Variants in FAM168A observed in about 807,000 individuals in gnomAD.
FAM168A encodes the protein protein FAM168A.
In FAM168A, 3 loss-of-function variants were observed where a neutral mutation model predicts 28.5. The observed-to-expected ratio is 0.11, with a 90% CI of 0.05 to 0.27. The LOEUF (loss-of-function observed/expected upper bound fraction) is 0.27. Among genes scored for constraint, FAM168A ranks in the 10% least tolerant of loss-of-function variants. FAM168A has a pLI of 1.00. For missense variants in FAM168A, 222 were observed against 311.5 expected (o/e 0.71, Z 2.16); for synonymous variants, 122 against 124.2 (o/e 0.98, Z 0.12).
At chr11:73,434,313 A>G (rs1867050839) in intron 2 of FAM168A, among the ~76,000 whole-genome samples, 1 of 152,236 alleles carries the variant, frequency 6.6e-6, no homozygotes, top group Non-Finnish European at 1.5e-5. Flanking sequence ...AATATTAAAC[A>G]TAAAGTCTTC....
At position 73,441,694 on chromosome 11, in the gene FAM168A, T is replaced by C. The variant is rs1423439296; in HGVS notation, c.71-10924A>G. ...TTTTTTGATTACTAATTCTCTCTTA[T>C]AGGTCTAGTCAGATTTTCTATTTCT... On this transcript the variant is annotated intron_variant, in intron 2 of 7. Transcript: ENST00000356467. 4.6e-5 allele frequency among the ~76,000 whole-genome samples: 7 copies of C among 152,246 alleles called. No homozygotes were observed. The East Asian group carries it at 1.3e-3, about 29-fold the overall frequency.
chr11:73,573,777 G>A (rs1944138032), intron 1 of FAM168A, among the ~76,000 whole-genome samples: 1 of 152,120 alleles, frequency 6.6e-6, no homozygotes, highest in African/African-American at 2.4e-5. Context: ...GGGCAACATA[G>A]AGACCCTGTC....
intron 4 of FAM168A, among the ~76,000 whole-genome samples, chr11:73,416,444 G>C (rs765053510): frequency 3.3e-4 from 51 of 152,244 alleles, no homozygotes; most frequent in Non-Finnish European, 6.3e-4. Flanking sequence ...ATCTTGCTTT[G>C]ACCCCTAAGA....
At chr11:73,486,710 T>C (rs377602303) in intron 1 of FAM168A, among the ~76,000 whole-genome samples, 1 of 152,174 alleles carries the variant, frequency 6.6e-6, no homozygotes, top group East Asian at 1.9e-4. Flanking sequence ...TATTTCCAAA[T>C]AGATCATTTA....
Position 73,409,593 on chromosome 11 carries a change from C to T in FAM168A, c.489G>A (p.Gln163=). 6.2e-7 allele frequency: 1 copy of T among 1,613,992 alleles called. No individual in the cohort carries two copies. Reference sequence around the variant, plus strand: ...AGATAGCAGAGGGAATGCTGTTGGGCTGGACGACCGTGGTATGGTGGATGA... The same window carrying T: ...AGATAGCAGAGGGAATGCTGTTGGGTTGGACGACCGTGGTATGGTGGATGA... ...PHVIHHTTVV[Q]PNSIPSAIYP... The change falls in exon 6 of 8, where the codon CAG becomes CAA. Residue 163 remains glutamine, a synonymous_variant. Transcript: ENST00000356467.
chr11:73,460,558 T>C (rs1035657992), intron 2 of FAM168A, among the ~76,000 whole-genome samples: 1 of 147,998 alleles, frequency 6.8e-6, no homozygotes, highest in Non-Finnish European at 1.5e-5. Context: ...GGCTGGAGTA[T>C]AGTGGCACAA....
chr11:73,465,587 T>TA (rs1565257872), intron 2 of FAM168A, among the ~76,000 whole-genome samples: 1 of 152,220 alleles, frequency 6.6e-6, no homozygotes, highest in Admixed American at 6.5e-5. Context: ...ATGGTCATGC[T>TA]GTGTTGTTAC....
At position 73,466,481 on chromosome 11, in the gene FAM168A, A is replaced by G. The variant is rs1022974153; in HGVS notation, c.70+1924T>C. 1.4e-4 allele frequency among the ~76,000 whole-genome samples: 21 copies of G among 152,184 alleles called. 1 individual carries two copies. Among genetic ancestry groups the G allele is most frequent in the African/African-American group, 4.8e-4 (20 of 41,452 alleles). ...TTTTTTTATCTATAAAAACTATAGC[A>G]TTTATGATTAATGAAATTATAATTA... On this transcript the variant is annotated intron_variant, in intron 2 of 7. Coordinates refer to ENST00000356467, the MANE Select transcript of FAM168A (RefSeq NM_015159.3).
chr11:73,459,527 G>C (rs1867605288), intron 2 of FAM168A, among the ~76,000 whole-genome samples: 1 of 151,634 alleles, frequency 6.6e-6, no homozygotes, highest in Non-Finnish European at 1.5e-5. Context: ...AAAAAGAAAT[G>C]AGGTCACACT....
At chr11:73,495,610 A>G (rs1854858714) in intron 1 of FAM168A, among the ~76,000 whole-genome samples, 1 of 152,238 alleles carries the variant, frequency 6.6e-6, no homozygotes, top group East Asian at 1.9e-4. Flanking sequence ...AAAAATGGAT[A>G]AAGAACTTGA....
rs1590749418 is a variant in FAM168A at position 73,406,169 on chromosome 11, T to C, written c.*594A>G. 1 of 137,850 alleles carries C rather than the reference T, an allele frequency of 7.3e-6. No individual in the cohort carries two copies. The highest frequency in any genetic ancestry group is 1.5e-5 in the Non-Finnish European group (1 of 65,254). 8.5% of individuals were successfully genotyped at this position (137,850 alleles called of 1,614,324 possible). On this transcript the variant is annotated 3_prime_UTR_variant, in exon 8 of 8. Coordinates refer to ENST00000356467, the MANE Select transcript of FAM168A (RefSeq NM_015159.3). ...TTTTCCCCAGGTTCTCAGCCTGGGG[T>C]ATTAAGCTGCTAATAACACGCCTAC...
chr11:73,561,916 C>T (rs1943963431), intron 1 of FAM168A, among the ~76,000 whole-genome samples: 1 of 151,986 alleles, frequency 6.6e-6, no homozygotes, highest in African/African-American at 2.4e-5. Flanking sequence ...AATCTTAGGA[C>T]TGTGGTTTAA....
chr11:73,559,646 G>A (rs768763381), intron 1 of FAM168A, among the ~76,000 whole-genome samples: 3 of 152,288 alleles, frequency 2.0e-5, no homozygotes, highest in Middle Eastern at 3.4e-3. Flanking sequence ...ATAGGAATGG[G>A]AATGACTGTT....
chr11:73,505,116 A>AT (rs371039461), intron 1 of FAM168A, among the ~76,000 whole-genome samples: 40 of 148,548 alleles, frequency 2.7e-4, no homozygotes, highest in East Asian at 9.7e-4. Flanking sequence ...CATGTATCCC[A>AT]TTTTTTTTTT....
At chr11:73,512,515 G>C (rs1855244759) in intron 1 of FAM168A, among the ~76,000 whole-genome samples, 2 of 151,856 alleles carry the variant, frequency 1.3e-5, no homozygotes, top group Admixed American at 6.6e-5. Context: ...GACTATACTA[G>C]AAACCTCTGA....
chr11:73,413,628 G>A (rs189820571), intron 4 of FAM168A, among the ~76,000 whole-genome samples: 2 of 152,306 alleles, frequency 1.3e-5, no homozygotes, highest in Non-Finnish European at 2.9e-5. Flanking sequence ...CCCAAATGTG[G>A]ACAACGTACT....
intron 2 of FAM168A, among the ~76,000 whole-genome samples, chr11:73,465,879 G>A (rs948889540): frequency 1.3e-5 from 2 of 152,096 alleles, no homozygotes; most frequent in Non-Finnish European, 2.9e-5. Flanking sequence ...ATAGATTGCT[G>A]CAAGTGTAAA....
At chr11:73,442,774 G>C (rs974360866) in intron 2 of FAM168A, among the ~76,000 whole-genome samples, 1 of 149,708 alleles carries the variant, frequency 6.7e-6, no homozygotes, top group African/African-American at 2.4e-5. Flanking sequence ...CCCTCTAGGT[G>C]ACTGTTGGGT....
At chr11:73,414,237 T>C (rs1245194566) in intron 4 of FAM168A, among the ~76,000 whole-genome samples, 1 of 152,242 alleles carries the variant, frequency 6.6e-6, no homozygotes, top group East Asian at 1.9e-4. Context: ...CAAAGTTATA[T>C]TGTAACACAT....
Sources: gnomAD v4.1 joint callset for allele counts (sites outside exome capture counted in the v4.1 genomes callset) on GRCh38, gnomAD v4.1.1 for gene constraint, MANE v1.5 for transcripts, NCBI Gene and HGNC (gene_info 2026-07-23, HGNC 2026-07-21) for gene names.